BTC: variants seen among roughly 807,000 people sequenced by gnomAD.
BTC encodes the protein probetacellulin.
Under a neutral mutation model 18.1 loss-of-function variants are expected in BTC, and 13 were observed. That is an observed-to-expected ratio of 0.72 (90% CI 0.47 to 1.14). The LOEUF (loss-of-function observed/expected upper bound fraction) is 1.14, where lower values mean the gene tolerates loss of function less well. BTC is among the 50% of genes most tolerant of loss of function. The pLI is 0.00. For missense variants in BTC, 247 were observed against 224.2 expected (o/e 1.10, Z -0.65); for synonymous variants, 83 against 79.4 (o/e 1.05, Z -0.24).
At chr4:74,784,053 T>C (rs1345985026) in intron 1 of BTC, among the ~76,000 whole-genome samples, 1 of 151,826 alleles carries the variant, frequency 6.6e-6, no homozygotes, top group Non-Finnish European at 1.5e-5. Flanking sequence ...GCCAACATGA[T>C]GAAACCCTGT....
chr4:74,789,373 T>C (rs1725563093), intron 1 of BTC, among the ~76,000 whole-genome samples: 1 of 152,182 alleles, frequency 6.6e-6, no homozygotes, highest in African/African-American at 2.4e-5. Context: ...CAAATACCTA[T>C]GAAATAATTG....
chr4:74,790,111 C>T (rs578115756), intron 1 of BTC, among the ~76,000 whole-genome samples: 15 of 152,086 alleles, frequency 9.9e-5, no homozygotes, highest in Non-Finnish European at 1.6e-4. Context: ...TCATAACTAG[C>T]GGGAGCAGGA....
chr4:74,781,396 T>TGTGTGTGTGC lies in BTC; in HGVS notation c.65-11241_65-11240insGCACACACAC, dbSNP rs1553958999. ...TATTCTCTCGTCACGTGTGTGTGTG[T>TGTGTGTGTGC]GTGTGTGTGTGTGTGTGTGTGGCTT... On this transcript the variant is annotated intron_variant, in intron 1 of 5. Transcript: ENST00000395743. 5.9e-3 allele frequency among the ~76,000 whole-genome samples: 898 copies of TGTGTGTGTGC among 151,136 alleles called. 5 individuals are homozygous for TGTGTGTGTGC. The highest frequency in any genetic ancestry group is 0.02 in the African/African-American group (820 of 40,806).
At position 74,755,879 on chromosome 4, in the gene BTC, G is replaced by A. The variant is rs551672350; in HGVS notation, c.261C>T (p.Ala87=). 1.3e-5 allele frequency: 21 copies of A among 1,614,080 alleles called. No individual in the cohort carries two copies. The highest frequency in any genetic ancestry group is 2.7e-5 in the African/African-American group (2 of 75,026). ...CIKGRCRFVV[A]EQTPSCVCDE... ...CTTACACACAGGAGGGCGTCTGCTC[G>A]GCCACCACGAAGCGGCATCTCCCTT... The change falls in exon 3 of 6, where the codon GCC becomes GCT. Residue 87 remains alanine, a synonymous_variant. Transcript: ENST00000395743.
In BTC at chr4:74,749,931, C is replaced by CAAAA. The variant is rs782482968; in HGVS notation, c.428+638_428+641dup. On this transcript the variant is annotated intron_variant, in intron 4 of 5. Coordinates refer to ENST00000395743, the MANE Select transcript of BTC (RefSeq NM_001729.4). ...ACAACATAGTGAGAGCCAGTCTCCA[C>CAAAA]AAAAAAAAAAAAAAAAAAGCCTGGC... Among the ~76,000 whole-genome samples, 128 of 74,022 alleles carry CAAAA rather than the reference C, an allele frequency of 1.7e-3. 6 individuals are homozygous for CAAAA. Among genetic ancestry groups the CAAAA allele is most frequent in the African/African-American group, 5.3e-3 (111 of 20,962 alleles). 48.6% of individuals were successfully genotyped at this position (74,022 alleles called of 152,430 possible).
At chr4:74,792,678 A>C (rs908116204) in intron 1 of BTC, among the ~76,000 whole-genome samples, 7 of 152,246 alleles carry the variant, frequency 4.6e-5, no homozygotes, top group Non-Finnish European at 1.0e-4. Context: ...CCAGTAAAGC[A>C]TGCTCATTCG....
rs183146104 is a variant in BTC at position 74,758,950 on chromosome 4, T to C, written c.164-2974A>G. On this transcript the variant is annotated intron_variant, in intron 2 of 5. Coordinates refer to ENST00000395743, the MANE Select transcript of BTC (RefSeq NM_001729.4). The stretch of plus-strand genomic sequence containing the variant: ...ATACTGCCACACATGCACATAAATA[T>C]ACACACACACACACACATACACACA... Among the ~76,000 whole-genome samples the C allele has an allele frequency of 2.5e-4, 38 of 151,144 alleles. 1 individual carries two copies. Among genetic ancestry groups the C allele is most frequent in the Non-Finnish European group, 1.2e-4 (8 of 67,620 alleles).
intron 1 of BTC, among the ~76,000 whole-genome samples, chr4:74,776,896 A>T (rs574480625): frequency 1.3e-5 from 2 of 152,168 alleles, no homozygotes; most frequent in Non-Finnish European, 2.9e-5. Context: ...CCAAACTTCT[A>T]CTTATGTATA....
Position 74,768,345 on chromosome 4 carries a change from G to A in BTC, c.163+1713C>T, listed in dbSNP as rs563098345. The stretch of plus-strand genomic sequence containing the variant: ...CATTATTTCATAAAAGTCAAAAGGT[G>A]GAAGCAACCCAAGGGTCTACTGACA... On this transcript the variant is annotated intron_variant, in intron 2 of 5. Transcript: ENST00000395743. Among the ~76,000 whole-genome samples, 13 of 152,182 alleles carry A rather than the reference G, an allele frequency of 8.5e-5. No homozygotes were observed. In the South Asian group the frequency reaches 2.5e-3, roughly 29 times the overall value.
chr4:74,781,700 A>C (rs1358746002), intron 1 of BTC, among the ~76,000 whole-genome samples: 6 of 149,424 alleles, frequency 4.0e-5, no homozygotes, highest in Admixed American at 1.3e-4. Flanking sequence ...TTTTTTTTTC[A>C]CTTTTTTTTG....
At chr4:74,783,929 G>T (rs1725406343) in intron 1 of BTC, among the ~76,000 whole-genome samples, 1 of 151,924 alleles carries the variant, frequency 6.6e-6, no homozygotes, top group South Asian at 2.1e-4. Flanking sequence ...ACTGTTGTTG[G>T]TGTATAAGAA....
chr4:74,771,504 A>G (rs1249927197), intron 1 of BTC, among the ~76,000 whole-genome samples: 3 of 152,216 alleles, frequency 2.0e-5, no homozygotes, highest in African/African-American at 7.2e-5. Flanking sequence ...GTTGCCCCCA[A>G]GTTGTGGAGC....
At chr4:74,757,577 T>C (rs1724633426) in intron 2 of BTC, among the ~76,000 whole-genome samples, 1 of 152,226 alleles carries the variant, frequency 6.6e-6, no homozygotes, top group African/African-American at 2.4e-5. Flanking sequence ...GTGTTTCCAT[T>C]TGCAGAGCTC....
At chr4:74,785,732 A>G (rs1560725127) in intron 1 of BTC, among the ~76,000 whole-genome samples, 2 of 152,192 alleles carry the variant, frequency 1.3e-5, no homozygotes, top group Non-Finnish European at 2.9e-5. Flanking sequence ...TAATGTTATC[A>G]TCTCATATCA....
At chr4:74,774,161 G>A (rs1725119073) in intron 1 of BTC, among the ~76,000 whole-genome samples, 1 of 152,182 alleles carries the variant, frequency 6.6e-6, no homozygotes, top group Non-Finnish European at 1.5e-5. Context: ...TAATATTTAT[G>A]TGGTCATAGT....
chr4:74,779,274 T>C (rs1167737273), intron 1 of BTC, among the ~76,000 whole-genome samples: 1 of 152,170 alleles, frequency 6.6e-6, no homozygotes. Context: ...TAACAACCTG[T>C]CATACACAAA....
At chr4:74,770,511 A>C (rs543279081) in intron 1 of BTC, among the ~76,000 whole-genome samples, 7 of 152,276 alleles carry the variant, frequency 4.6e-5, no homozygotes, top group Admixed American at 3.3e-4. Context: ...TGAATGGTGA[A>C]CCTGCACGGC....
chr4:74,759,182 TACCC>T (rs1217294472), intron 2 of BTC, among the ~76,000 whole-genome samples: 1 of 152,162 alleles, frequency 6.6e-6, no homozygotes, highest in African/African-American at 2.4e-5. Flanking sequence ...AGGGGGAATA[TACCC>T]ATCCATTCCA....
chr4:74,758,402 T>A (rs1439416089), intron 2 of BTC, among the ~76,000 whole-genome samples: 13 of 152,094 alleles, frequency 8.5e-5, no homozygotes, highest in Admixed American at 8.5e-4. Context: ...GGGCTCTTAG[T>A]GGGGGCAAAG....
Sources: gnomAD v4.1 joint callset for allele counts (sites outside exome capture counted in the v4.1 genomes callset) on GRCh38, gnomAD v4.1.1 for gene constraint, MANE v1.5 for transcripts, NCBI Gene and HGNC (gene_info 2026-07-23, HGNC 2026-07-21) for gene names.